EML5: variants seen among roughly 807,000 people sequenced by gnomAD.
EML5 encodes the protein EMAP like 5, also known as echinoderm microtubule-associated protein-like 5.
EML5 carries 120 observed loss-of-function variants against 250.0 expected under a neutral mutation model. The observed-to-expected ratio is 0.48, with a 90% CI of 0.41 to 0.56. EML5 has a LOEUF of 0.56. EML5 is among the 20% of genes least tolerant of loss of function. EML5 has a pLI of 0.00. For synonymous variants in EML5, 771 were observed against 806.5 expected, an observed-to-expected ratio of 0.96 and a Z score of 0.75; for missense variants, 2,006 against 2,437.6, an observed-to-expected ratio of 0.82 and a Z score of 3.73.
At chr14:88,741,175 A>T (rs1566734319) in intron 4 of EML5, among the ~76,000 whole-genome samples, 1 of 151,862 alleles carries the variant, frequency 6.6e-6, no homozygotes, top group Non-Finnish European at 1.5e-5. Context: ...AAAAAAAAAA[A>T]TTTTAGGTTA....
At chr14:88,728,649 C>T (rs1251880428) in intron 7 of EML5, among the ~76,000 whole-genome samples, 2 of 152,044 alleles carry the variant, frequency 1.3e-5, no homozygotes, top group African/African-American at 4.8e-5. Context: ...GCTTGTCTTA[C>T]GATCTCAGGG....
At chr14:88,788,453 T>C (rs1157022961) in intron 1 of EML5, among the ~76,000 whole-genome samples, 4 of 152,040 alleles carry the variant, frequency 2.6e-5, no homozygotes, top group African/African-American at 4.8e-5. Context: ...CCTGCAACCA[T>C]ATAGTGTGGT....
chr14:88,676,049 G>GA (rs1295800218), intron 21 of EML5, among the ~76,000 whole-genome samples: 1 of 152,158 alleles, frequency 6.6e-6, no homozygotes, highest in East Asian at 1.9e-4. Flanking sequence ...AAGTCTCTAA[G>GA]AAGTTCCAAA....
At chr14:88,642,253 A>C (rs1446112812) in intron 31 of EML5, among the ~76,000 whole-genome samples, 2 of 152,176 alleles carry the variant, frequency 1.3e-5, no homozygotes, top group Non-Finnish European at 2.9e-5. Context: ...AAACAATTCA[A>C]AATTAAATAC....
intron 14 of EML5, among the ~76,000 whole-genome samples, chr14:88,701,280 A>C (rs2141413785): frequency 6.6e-6 from 1 of 152,218 alleles, no homozygotes; most frequent in East Asian, 1.9e-4. Flanking sequence ...TAAATATCCT[A>C]CAATGCATAG....
intron 19 of EML5, among the ~76,000 whole-genome samples, chr14:88,685,790 T>C (rs929968919): frequency 6.6e-6 from 1 of 152,216 alleles, no homozygotes; most frequent in African/African-American, 2.4e-5. Context: ...TTATATCTAG[T>C]AGAATGTAAA....
In EML5 at chr14:88,740,400, T is replaced by C. The variant is rs1318346391; in HGVS notation, c.698A>G (p.Gln233Arg). 2 of 1,609,952 alleles carry C rather than the reference T, an allele frequency of 1.2e-6. No homozygotes were observed. The highest frequency in any genetic ancestry group is 1.7e-6 in the Non-Finnish European group (2 of 1,178,328). Residue 233 changes from glutamine (Q) to arginine (R), a missense_variant, in exon 5 of 44, where the codon CAA becomes CGA. This residue lies in a region of EML5 where 1,375 missense variants were observed against 1,590.3 expected (regional missense o/e 0.86). Coordinates refer to ENST00000554922, the MANE Select transcript of EML5 (RefSeq NM_183387.3). The stretch of plus-strand genomic sequence containing the variant: ...AAATGTACTTACAGCATGGGCTCCT[T>C]GTATTGTTCGTATAAGATTGATTCC... ...WKGINLIRTI[Q>R]GAHAAGIFSM...
chr14:88,649,741 T>C (rs1318679107), intron 28 of EML5, among the ~76,000 whole-genome samples, 171 bp downstream of exon 28: 4 of 152,196 alleles, frequency 2.6e-5, no homozygotes, highest in African/African-American at 4.8e-5. Flanking sequence ...CAACCATATA[T>C]GCTATCTAAA....
chr14:88,688,392 G>C lies in EML5; in HGVS notation c.2621C>G (p.Thr874Ser), dbSNP rs1002566446. The change falls in exon 18 of 44, where the codon ACT (threonine) becomes AGT (serine). Residue 874 changes from threonine to serine, a missense_variant. Physicochemically the swap from Thr to Ser is moderately conservative, Grantham distance 58 (BLOSUM62 1). This residue lies in a region of EML5 where 1,375 missense variants were observed against 1,590.3 expected (regional missense o/e 0.86). Transcript: ENST00000554922. ...DTMMCAVYGW[T>S]EEMAFSGTST... ...TGTTCCAGAAAAAGCCATCTCTTCA[G>C]TCCATCCATACACTGCACACATCAT... The C allele has an allele frequency of 6.2e-7, 1 of 1,613,932 alleles. No homozygotes were observed. The highest frequency in any genetic ancestry group is 2.2e-5 in the East Asian group (1 of 44,878).
At chr14:88,775,055 C>T (rs569859043) in intron 1 of EML5, among the ~76,000 whole-genome samples, 41 of 152,298 alleles carry the variant, frequency 2.7e-4, no homozygotes, top group Admixed American at 8.5e-4. Context: ...CTACTCCTGG[C>T]AGCATTCACC....
intron 24 of EML5, among the ~76,000 whole-genome samples, chr14:88,662,264 C>A (rs1400868211): frequency 1.4e-5 from 2 of 138,452 alleles, no homozygotes; most frequent in Non-Finnish European, 3.0e-5. Flanking sequence ...TTAAGCCTCT[C>A]TTCCTAGGCC....
chr14:88,763,662 C>T (rs148915600), intron 1 of EML5, among the ~76,000 whole-genome samples: 119 of 152,184 alleles, frequency 7.8e-4, no homozygotes, highest in African/African-American at 2.8e-3. Context: ...TTTATGAGGC[C>T]GGCATCATCC....
At chr14:88,706,530 T>C (rs1252296949) in intron 10 of EML5, 104 bp from the exon 11 acceptor site, 1 of 877,438 alleles carries the variant, frequency 1.1e-6, no homozygotes, top group African/African-American at 1.8e-5. Context: ...CTATCTGAAT[T>C]ATAAACAAAT....
chr14:88,782,793 G>C (rs2094510059), intron 1 of EML5, among the ~76,000 whole-genome samples: 1 of 152,184 alleles, frequency 6.6e-6, no homozygotes, highest in Non-Finnish European at 1.5e-5. Context: ...GTATGAAAAT[G>C]CCTGGATCGG....
In EML5 at chr14:88,664,561, C is replaced by T. The variant is rs1189806289; in HGVS notation, c.3341G>A (p.Ser1114Asn). 1 of 1,611,308 alleles carries T rather than the reference C, an allele frequency of 6.2e-7. No individual in the cohort carries two copies. Among genetic ancestry groups the T allele is most frequent in the Admixed American group, 1.7e-5 (1 of 59,754 alleles). The change falls in exon 23 of 44, where the codon AGT (serine) becomes AAT (asparagine). Residue 1114 changes from serine to asparagine, a missense_variant. By Grantham distance (46) the Ser-to-Asn change is conservative (BLOSUM62 1). Coordinates refer to ENST00000554922, the MANE Select transcript of EML5 (RefSeq NM_183387.3). ...DSFIDIYNVM[S>N]SKRVGICKGA... ...TTTGCATATTCCTACTCGTTTACTA[C>T]TCATTACATTGTATATATCTATAAA... is the stretch of plus-strand genomic sequence containing the variant.
chr14:88,772,863 C>G (rs976696871), intron 1 of EML5, among the ~76,000 whole-genome samples: 1 of 152,188 alleles, frequency 6.6e-6, no homozygotes, highest in African/African-American at 2.4e-5. Context: ...TTAAAATGGC[C>G]AAGCTCATTA....
chr14:88,706,550 G>T, intron 10 of EML5, 124 bp from the exon 11 acceptor site: 1 of 725,478 alleles, frequency 1.4e-6, no homozygotes, highest in Non-Finnish European at 2.0e-6. Flanking sequence ...TGGGAAAAAT[G>T]CTGACTCAAA....
chr14:88,706,187 T>A (rs533208508), intron 11 of EML5, 72 bp downstream of exon 11: 7 of 1,389,724 alleles, frequency 5.0e-6, no homozygotes, highest in Admixed American at 2.5e-5. Context: ...TACTTTAATA[T>A]AAAATTGTTA....
chr14:88,747,971 A>G, intron 2 of EML5, among the ~76,000 whole-genome samples: 1 of 152,088 alleles, frequency 6.6e-6, no homozygotes, highest in East Asian at 1.9e-4. Context: ...GAAGTAAAGC[A>G]CTGTGAACCC....
Sources: gnomAD v4.1 joint callset for allele counts (sites outside exome capture counted in the v4.1 genomes callset) on GRCh38, gnomAD v4.1.1 for gene constraint, gnomAD v4.1.1 regional missense constraint, MANE v1.5 for transcripts, NCBI Gene and HGNC (gene_info 2026-07-23, HGNC 2026-07-21) for gene names.